TENM3: variants seen among roughly 807,000 people sequenced by gnomAD.
TENM3 encodes the protein teneurin-3.
A neutral mutation model predicts 255.1 loss-of-function variants in TENM3; 63 were observed. That is an observed-to-expected ratio of 0.25 (90% CI 0.20 to 0.30). The LOEUF (loss-of-function observed/expected upper bound fraction) is 0.30, where lower values mean the gene tolerates loss of function less well. TENM3 is among the 10% of genes least tolerant of loss of function. The probability of loss-of-function intolerance (pLI) is 1.00; values close to 1 mark genes in which losing one functional copy is unlikely to be tolerated. For synonymous variants in TENM3, 1,306 were observed against 1,322.3 expected (o/e 0.99, Z 0.27); for missense variants, 2,929 against 3,461.1 (o/e 0.85, Z 3.86).
the TENM3 span, among the ~76,000 whole-genome samples, chr4:182,135,676 CG>C: frequency 6.6e-6 from 1 of 152,208 alleles, no homozygotes; most frequent in Non-Finnish European, 1.5e-5. Flanking sequence ...CGAACTTCGT[CG>C]TAAGTATGTT....
At chr4:182,221,736 A>G (rs989158846) in intron 1 of TENM3, among the ~76,000 whole-genome samples, 4 of 152,244 alleles carry the variant, frequency 2.6e-5, no homozygotes, top group African/African-American at 9.6e-5. Context: ...GAAATTTTAA[A>G]TCCTTTTAAA....
chr4:182,090,136 A>G, the TENM3 span, among the ~76,000 whole-genome samples: 1 of 152,224 alleles, frequency 6.6e-6, no homozygotes, highest in Non-Finnish European at 1.5e-5. Flanking sequence ...CTCAATGGTA[A>G]CAGACTTCAA....
intron 9 of TENM3, 87 bp downstream of exon 9, chr4:182,680,436 A>AAG: frequency 1.9e-6 from 2 of 1,076,098 alleles, no homozygotes; most frequent in Non-Finnish European, 2.7e-6. Flanking sequence ...ACAGGAAAGA[A>AAG]AGGGGGGGGG....
At chr4:181,810,983 A>G in the TENM3 span, among the ~76,000 whole-genome samples, 1 of 152,064 alleles carries the variant, frequency 6.6e-6, no homozygotes, top group Non-Finnish European at 1.5e-5. Flanking sequence ...GAAAGAGGGG[A>G]TAGAAGAAAA....
chr4:182,677,411 T>A (rs899574776), intron 7 of TENM3, among the ~76,000 whole-genome samples: 4 of 152,228 alleles, frequency 2.6e-5, no homozygotes, highest in African/African-American at 9.6e-5. Flanking sequence ...CTTTTTCAGT[T>A]ACCGTGTTTA....
intron 3 of TENM3, among the ~76,000 whole-genome samples, chr4:182,486,887 C>A (rs1050159275): frequency 1.3e-5 from 2 of 152,154 alleles, no homozygotes; most frequent in African/African-American, 4.8e-5. Context: ...TGGGGGTCTT[C>A]CAGATGATGT....
the TENM3 span, among the ~76,000 whole-genome samples, chr4:181,451,520 A>T: frequency 6.6e-6 from 1 of 152,160 alleles, no homozygotes. Context: ...AAAGGAAAGG[A>T]TAGGAGAGAC....
At chr4:181,462,715 C>G in the TENM3 span, among the ~76,000 whole-genome samples, 1 of 152,076 alleles carries the variant, frequency 6.6e-6, no homozygotes, top group East Asian at 1.9e-4. Context: ...CGTGTCATTC[C>G]CACTGGGAAA....
chr4:181,625,526 T>C, the TENM3 span, among the ~76,000 whole-genome samples: 2 of 152,028 alleles, frequency 1.3e-5, no homozygotes, highest in African/African-American at 4.8e-5. Context: ...AATAATATTG[T>C]ATACTGCCGG....
intron 3 of TENM3, among the ~76,000 whole-genome samples, chr4:182,581,929 G>A (rs1354920545): frequency 1.3e-5 from 2 of 151,816 alleles, no homozygotes; most frequent in African/African-American, 2.4e-5. Context: ...TTGTTTCTTA[G>A]CATAAGAGGG....
chr4:182,076,152 C>G, the TENM3 span, among the ~76,000 whole-genome samples: 4 of 151,058 alleles, frequency 2.6e-5, no homozygotes, highest in Non-Finnish European at 5.9e-5. Context: ...CTCACACAAT[C>G]AAAGTGCTGG....
At chr4:182,063,573 T>C in the TENM3 span, among the ~76,000 whole-genome samples, 52 of 152,210 alleles carry the variant, frequency 3.4e-4, no homozygotes, top group Non-Finnish European at 6.0e-4. Context: ...ACCTTGGACA[T>C]AAAATCCAAT....
At chr4:181,963,366 T>A in the TENM3 span, among the ~76,000 whole-genome samples, 1 of 152,196 alleles carries the variant, frequency 6.6e-6, no homozygotes, top group Non-Finnish European at 1.5e-5. Flanking sequence ...ATTCTTTCAC[T>A]CTCTTTTTGT....
chr4:182,261,160 C>T (rs1758764710), intron 1 of TENM3, among the ~76,000 whole-genome samples: 1 of 152,182 alleles, frequency 6.6e-6, no homozygotes, highest in South Asian at 2.1e-4. Context: ...AGGCGTGAGC[C>T]ACCGCGCCTG....
chr4:182,419,584 A>G (rs1309639869), intron 3 of TENM3, among the ~76,000 whole-genome samples: 3 of 152,196 alleles, frequency 2.0e-5, no homozygotes, highest in Admixed American at 6.5e-5. Context: ...TGTTTATTGG[A>G]GCACTATTCA....
the TENM3 span, among the ~76,000 whole-genome samples, chr4:181,480,923 A>G: frequency 0.41 from 61,833 of 150,842 alleles, 13,091 homozygotes; most frequent in African/African-American, 0.51. Context: ...TTATTATTCC[A>G]TGAGTAAAGG....
intron 13 of TENM3, among the ~76,000 whole-genome samples, chr4:182,725,330 GTT>G (rs943752359): frequency 6.6e-6 from 1 of 151,916 alleles, no homozygotes; most frequent in East Asian, 1.9e-4. Flanking sequence ...CTGGCTAATT[GTT>G]TTTTTGAAGC....
chr4:182,402,899 TG>T (rs1279818120), intron 3 of TENM3, among the ~76,000 whole-genome samples: 2 of 152,248 alleles, frequency 1.3e-5, no homozygotes, highest in Admixed American at 6.5e-5. Flanking sequence ...AGGATGTTTT[TG>T]TTCTTTCTCT....
intron 4 of TENM3, among the ~76,000 whole-genome samples, chr4:182,627,897 G>A (rs530938778): frequency 2.6e-5 from 4 of 151,952 alleles, no homozygotes; most frequent in South Asian, 2.1e-4. Flanking sequence ...TGTATGGCTC[G>A]GTGGTTAGGG....
Sources: allele counts gnomAD v4.1 joint callset (sites outside exome capture counted in the v4.1 genomes callset), GRCh38; gene constraint gnomAD v4.1.1; transcripts MANE v1.5; gene names NCBI Gene and HGNC (gene_info 2026-07-23, HGNC 2026-07-21).